GALNT14: variants seen among roughly 807,000 people sequenced by gnomAD.
GALNT14 encodes polypeptide N-acetylgalactosaminyltransferase 14.
GALNT14 carries 60 observed loss-of-function variants against 77.5 expected under a neutral mutation model. That is an observed-to-expected ratio of 0.77 (90% confidence interval 0.63 to 0.96). The LOEUF (loss-of-function observed/expected upper bound fraction) is 0.96. Ranked by LOEUF, GALNT14 falls within the 40% of genes least tolerant of loss-of-function variation. The pLI, the probability that GALNT14 is intolerant of heterozygous loss-of-function variation, is 0.00. For missense variants in GALNT14, 710 were observed against 731.0 expected, an observed-to-expected ratio of 0.97 and a Z score of 0.33; for synonymous variants, 280 against 281.7, an observed-to-expected ratio of 0.99 and a Z score of 0.06.
chr2:30,912,722 G>A (rs1330724778), intron 13 of GALNT14, among the ~76,000 whole-genome samples: 1 of 152,148 alleles, frequency 6.6e-6, no homozygotes, highest in African/African-American at 2.4e-5. Context: ...ATTTCAAGCA[G>A]CCATCTAGCA....
At chr2:31,042,510 C>T (rs1673162815) in intron 1 of GALNT14, among the ~76,000 whole-genome samples, 1 of 152,128 alleles carries the variant, frequency 6.6e-6, no homozygotes, top group African/African-American at 2.4e-5. Context: ...CCCATAGTCT[C>T]CCAGCTCCTC....
chr2:30,892,173 T>A, the GALNT14 span, among the ~76,000 whole-genome samples: 1 of 152,144 alleles, frequency 6.6e-6, no homozygotes, highest in Non-Finnish European at 1.5e-5. Context: ...CATAGATGAT[T>A]ACAAATTTGA....
Position 31,016,156 on chromosome 2 carries a change from A to C in GALNT14, c.130-23149T>G, listed in dbSNP as rs555159705. On this transcript the variant is annotated intron_variant, in intron 1 of 14. Transcript: ENST00000349752. The stretch of plus-strand genomic sequence containing the variant: ...TCTGGACGCTGGCAGTCCAAGATCA[A>C]CGTGCGAACAGGGTTAGTTTCTCCT... Among the ~76,000 whole-genome samples, 3 of 152,296 alleles carry C rather than the reference A, an allele frequency of 2.0e-5. No individual in the cohort carries two copies. In the East Asian group the frequency reaches 5.8e-4, roughly 29 times the overall value.
At chr2:30,909,637 T>C (rs1329322192), downstream of GALNT14, among the ~76,000 whole-genome samples, 3 of 151,924 alleles carry the variant, frequency 2.0e-5, no homozygotes, top group African/African-American at 4.8e-5. Flanking sequence ...TCAACTATTG[T>C]GGAAGTCAGT....
intron 1 of GALNT14, among the ~76,000 whole-genome samples, chr2:31,082,784 C>T (rs2148586312): frequency 6.6e-6 from 1 of 152,020 alleles, no homozygotes; most frequent in East Asian, 1.9e-4. Flanking sequence ...CTTTGGGAGG[C>T]CGAGGTGGGT....
intron 2 of GALNT14, among the ~76,000 whole-genome samples, chr2:30,968,922 G>A (rs935083791): frequency 2.6e-5 from 4 of 152,282 alleles, no homozygotes; most frequent in Admixed American, 2.6e-4. Context: ...GGAGAGGGAG[G>A]GCATTGCTCG....
chr2:30,892,381 G>A, the GALNT14 span, among the ~76,000 whole-genome samples: 1 of 152,166 alleles, frequency 6.6e-6, no homozygotes, highest in Admixed American at 6.5e-5. Context: ...ATAAAGAGAT[G>A]TTTAAAAGCT....
intron 12 of GALNT14, 27 bp downstream of exon 12, chr2:30,924,713 C>G: frequency 6.2e-7 from 1 of 1,604,070 alleles, no homozygotes; most frequent in Non-Finnish European, 8.5e-7. Context: ...TTCAGCCAGC[C>G]AAAGCTCCAA....
chr2:30,958,330 C>T, intron 4 of GALNT14, 67 bp downstream of exon 4: 1 of 1,388,406 alleles, frequency 7.2e-7, no homozygotes, highest in Non-Finnish European at 1.0e-6. Context: ...GGACTCACCT[C>T]TGCCTGTTAC....
chr2:31,010,022 G>C (rs1670919209), intron 1 of GALNT14, among the ~76,000 whole-genome samples: 1 of 152,134 alleles, frequency 6.6e-6, no homozygotes, highest in African/African-American at 2.4e-5. Context: ...GTCTTGCTCT[G>C]TCACCCATGC....
At chr2:30,930,772 G>A (rs755787463) in intron 10 of GALNT14, among the ~76,000 whole-genome samples, 21 of 152,230 alleles carry the variant, frequency 1.4e-4, no homozygotes, top group Non-Finnish European at 2.6e-4. Flanking sequence ...TGGTTGGTGG[G>A]GCACTGGAGG....
At chr2:31,016,399 G>C (rs932597129) in intron 1 of GALNT14, among the ~76,000 whole-genome samples, 2 of 152,098 alleles carry the variant, frequency 1.3e-5, no homozygotes, top group Non-Finnish European at 2.9e-5. Context: ...ACGTATGAAT[G>C]GTAGAGGGTA....
chr2:30,886,969 G>T, the GALNT14 span, among the ~76,000 whole-genome samples: 46 of 152,322 alleles, frequency 3.0e-4, no homozygotes, highest in East Asian at 4.6e-3. Context: ...TGACTTTTCA[G>T]ATATTTCATA....
chr2:31,110,070 C>A (rs1041564139), intron 1 of GALNT14, among the ~76,000 whole-genome samples: 1 of 152,138 alleles, frequency 6.6e-6, no homozygotes, highest in Non-Finnish European at 1.5e-5. Context: ...TACTTGAAAT[C>A]GTTAAAAACA....
chr2:30,940,672 A>T (rs1666322743), intron 9 of GALNT14, among the ~76,000 whole-genome samples: 1 of 152,188 alleles, frequency 6.6e-6, no homozygotes, highest in Admixed American at 6.5e-5. Flanking sequence ...CAAGACATAA[A>T]AATGGGCTCC....
rs1676629400 is a variant in GALNT14 at position 31,089,601 on chromosome 2, G to C, written c.129+48357C>G. Among the ~76,000 whole-genome samples, 3 of 152,192 alleles carry C rather than the reference G, an allele frequency of 2.0e-5. No homozygotes were observed. The South Asian group carries it at 6.2e-4, about 32-fold the overall frequency. On this transcript the variant is annotated intron_variant, in intron 1 of 14. Transcript: ENST00000349752. ...TGGTCCGTTTTCTTCACTGCTTCAA[G>C]AATTCTTTCATCAATCCTGCCGTGG...
At chr2:30,980,515 A>C (rs759396771) in intron 2 of GALNT14, among the ~76,000 whole-genome samples, 1 of 152,184 alleles carries the variant, frequency 6.6e-6, no homozygotes, top group Non-Finnish European at 1.5e-5. Context: ...ATTTCACCTC[A>C]CCCTGAGGAC....
At chr2:30,978,904 T>A (rs1418110886) in intron 2 of GALNT14, among the ~76,000 whole-genome samples, 5 of 152,028 alleles carry the variant, frequency 3.3e-5, no homozygotes, top group Non-Finnish European at 7.4e-5. Context: ...GCATAGAGGA[T>A]GGAGGGGCTG....
At chr2:30,990,076 C>G (rs1207967959) in intron 2 of GALNT14, among the ~76,000 whole-genome samples, 1 of 151,926 alleles carries the variant, frequency 6.6e-6, no homozygotes, top group African/African-American at 2.4e-5. Context: ...AATTTCGCCT[C>G]AAGGGGATGT....
Sources: allele counts gnomAD v4.1 joint callset (sites outside exome capture counted in the v4.1 genomes callset), GRCh38; gene constraint gnomAD v4.1.1; transcripts MANE v1.5; gene names NCBI Gene and HGNC (gene_info 2026-07-23, HGNC 2026-07-21).